Variants in RGS7 observed in about 807,000 individuals in gnomAD.
RGS7 encodes the protein regulator of G protein signaling 7.
RGS7 carries 27 observed loss-of-function variants against 81.1 expected under a neutral mutation model. That is an observed-to-expected ratio of 0.33 (90% CI 0.25 to 0.46). RGS7 has a LOEUF of 0.46. RGS7 is among the 20% of genes least tolerant of loss of function. RGS7 has a pLI of 1.00. For missense variants in RGS7, 396 were observed against 607.4 expected, an observed-to-expected ratio of 0.65 and a Z score of 3.66; for synonymous variants, 208 against 207.7, an observed-to-expected ratio of 1.00 and a Z score of -0.01.
chr1:240,817,210 G>C (rs1417544364), intron 10 of RGS7, among the ~76,000 whole-genome samples: 1 of 152,124 alleles, frequency 6.6e-6, no homozygotes, highest in Non-Finnish European at 1.5e-5. Context: ...ACTCAAGGAA[G>C]AAGCCAAATT....
intron 2 of RGS7, among the ~76,000 whole-genome samples, chr1:241,117,330 G>A (rs1363013114): frequency 6.6e-6 from 1 of 152,130 alleles, no homozygotes; most frequent in Non-Finnish European, 1.5e-5. Context: ...CTGCCTGGAT[G>A]TACAGGATTT....
At position 241,326,097 on chromosome 1, in the gene RGS7, T is replaced by C. The variant is rs968910064; in HGVS notation, c.78+29602A>G. Among the ~76,000 whole-genome samples the C allele has an allele frequency of 7.2e-5, 11 of 152,072 alleles. No homozygotes were observed. The East Asian group carries it at 7.7e-4, about 11-fold the overall frequency. ...CTTCCCCAGGAAAGTCATAATACTT[T>C]CCAAAGCACTCACATTCCCCCGCCT... On this transcript the variant is annotated intron_variant, in intron 2 of 18. Coordinates refer to ENST00000440928, the MANE Select transcript of RGS7 (RefSeq NM_001364886.1).
Position 241,193,392 on chromosome 1 carries a change from G to A in RGS7, c.79-94630C>T, listed in dbSNP as rs2072830712. 3.3e-5 allele frequency among the ~76,000 whole-genome samples: 5 copies of A among 152,158 alleles called. No individual in the cohort carries two copies. In the South Asian group the frequency reaches 6.2e-4, roughly 19 times the overall value. On this transcript the variant is annotated intron_variant, in intron 2 of 18. Coordinates refer to ENST00000440928, the MANE Select transcript of RGS7 (RefSeq NM_001364886.1). ...GTGTTACCACATGGAGTTGGTCCCC[G>A]CCATGTTTGGTCAGGTCTCTTAGAA...
chr1:241,314,533 G>A lies in RGS7; in HGVS notation c.78+41166C>T, dbSNP rs147195230. Among the ~76,000 whole-genome samples the A allele has an allele frequency of 3.7e-4, 57 of 152,322 alleles. No homozygotes were observed. The Middle Eastern group carries it at 0.02, about 55-fold the overall frequency. On this transcript the variant is annotated intron_variant, in intron 2 of 18. Coordinates refer to ENST00000440928, the MANE Select transcript of RGS7 (RefSeq NM_001364886.1). ...TATGCACTCAGAAACCAAAGAATTT[G>A]TGTGGCTCGCTTTATTGTCATATTC...
intron 2 of RGS7, among the ~76,000 whole-genome samples, chr1:241,336,794 T>C (rs564767116): frequency 6.6e-6 from 1 of 152,304 alleles, no homozygotes; most frequent in East Asian, 1.9e-4. Flanking sequence ...TATGAAACAA[T>C]TGCATGTAAC....
intron 2 of RGS7, among the ~76,000 whole-genome samples, chr1:241,171,106 T>C (rs762099197): frequency 3.3e-5 from 5 of 152,244 alleles, no homozygotes; most frequent in African/African-American, 7.2e-5. Flanking sequence ...GGTTCAATTA[T>C]GTTCATTATG....
chr1:241,216,997 C>T (rs1309843464), intron 2 of RGS7, among the ~76,000 whole-genome samples: 1 of 152,118 alleles, frequency 6.6e-6, no homozygotes, highest in Non-Finnish European at 1.5e-5. Flanking sequence ...GCATTTTCAG[C>T]TGAGTTGGTG....
chr1:240,908,604 G>C (rs1306953723), intron 6 of RGS7, among the ~76,000 whole-genome samples: 1 of 152,072 alleles, frequency 6.6e-6, no homozygotes, highest in Non-Finnish European at 1.5e-5. Flanking sequence ...CTCCCTGCCA[G>C]GTAAAAGCTC....
chr1:241,079,243 T>C (rs956583470), intron 3 of RGS7, among the ~76,000 whole-genome samples: 6 of 151,784 alleles, frequency 4.0e-5, no homozygotes, highest in African/African-American at 1.5e-4. Context: ...GAAATTTTTG[T>C]GGATGCACCT....
intron 18 of RGS7, among the ~76,000 whole-genome samples, chr1:240,784,600 T>C (rs1489360309): frequency 2.6e-5 from 4 of 151,490 alleles, no homozygotes; most frequent in Admixed American, 2.6e-4. Context: ...GAACCAAGAT[T>C]GCTCCACTGC....
At chr1:241,232,990 CTT>C (rs1183682634) in intron 2 of RGS7, among the ~76,000 whole-genome samples, 1 of 152,038 alleles carries the variant, frequency 6.6e-6, no homozygotes, top group Non-Finnish European at 1.5e-5. Flanking sequence ...TAAAAAAAAT[CTT>C]ATAATCTTTT....
chr1:241,003,460 CAAAAAAA>C (rs554768415), intron 3 of RGS7, among the ~76,000 whole-genome samples: 2 of 83,356 alleles, frequency 2.4e-5, no homozygotes, highest in Non-Finnish European at 4.6e-5. Context: ...GACTCCGTCT[CAAAAAAA>C]AAAAAAAAAA....
intron 3 of RGS7, among the ~76,000 whole-genome samples, chr1:241,085,813 G>C (rs73125581): frequency 0.048 from 7,318 of 152,228 alleles, 605 homozygotes; most frequent in African/African-American, 0.17. Context: ...TTCATGTGCT[G>C]ACTGGTTCTC....
chr1:241,046,586 G>A (rs1242335230), intron 3 of RGS7, among the ~76,000 whole-genome samples: 1 of 152,082 alleles, frequency 6.6e-6, no homozygotes, highest in Non-Finnish European at 1.5e-5. Context: ...TTTCTTCAAC[G>A]GCCGACACCT....
chr1:240,952,106 T>A (rs1679661317), intron 4 of RGS7, among the ~76,000 whole-genome samples: 1 of 152,084 alleles, frequency 6.6e-6, no homozygotes, highest in East Asian at 1.9e-4. Flanking sequence ...ACATTACTAG[T>A]GGGCTTGCCT....
chr1:241,312,826 T>G (rs150227159), intron 2 of RGS7, among the ~76,000 whole-genome samples: 73 of 150,470 alleles, frequency 4.9e-4, no homozygotes, highest in African/African-American at 1.7e-3. Flanking sequence ...GAGAGGCATG[T>G]AGAAAGCTAA....
chr1:240,898,143 T>G (rs1369995160), intron 6 of RGS7, among the ~76,000 whole-genome samples: 1 of 152,190 alleles, frequency 6.6e-6, no homozygotes, highest in Non-Finnish European at 1.5e-5. Flanking sequence ...CTTTATCATT[T>G]TTTATTGCAT....
intron 4 of RGS7, among the ~76,000 whole-genome samples, chr1:240,973,041 C>G (rs1350728349): frequency 1.4e-5 from 2 of 148,088 alleles, no homozygotes; most frequent in African/African-American, 2.5e-5. Context: ...AGGAGAAAGA[C>G]TCCAATTAAA....
At chr1:241,280,515 T>A (rs72760557) in intron 2 of RGS7, among the ~76,000 whole-genome samples, 18,327 of 152,280 alleles carry the variant, frequency 0.12, 1,231 homozygotes, top group Middle Eastern at 0.17. Context: ...CTTTGTTTTT[T>A]GAGACAGGGT....
Sources: gnomAD v4.1 joint callset for allele counts (sites outside exome capture counted in the v4.1 genomes callset) on GRCh38, gnomAD v4.1.1 for gene constraint, MANE v1.5 for transcripts, NCBI Gene and HGNC (gene_info 2026-07-23, HGNC 2026-07-21) for gene names.